RGS6: variants seen among roughly 807,000 people sequenced by gnomAD.
The protein encoded by RGS6 is regulator of G-protein signaling 6.
In RGS6, 30 loss-of-function variants were observed where a neutral mutation model predicts 78.5. That is an observed-to-expected ratio of 0.38 (90% CI 0.29 to 0.52). RGS6 has a LOEUF of 0.52. RGS6 is among the 20% of genes least tolerant of loss of function. The pLI, the probability that RGS6 is intolerant of heterozygous loss-of-function variation, is 0.85. For missense variants in RGS6, 495 were observed against 609.7 expected (o/e 0.81, Z 1.98); for synonymous variants, 206 against 206.0 (o/e 1.00, Z 0.00).
At chr14:72,311,910 T>C (rs2068714291) in intron 2 of RGS6, among the ~76,000 whole-genome samples, 1 of 152,224 alleles carries the variant, frequency 6.6e-6, no homozygotes, top group Non-Finnish European at 1.5e-5. Flanking sequence ...GTTCTCTTGC[T>C]AAATCAAAAG....
intron 2 of RGS6, among the ~76,000 whole-genome samples, chr14:71,970,532 C>T (rs572132822): frequency 1.3e-5 from 2 of 152,186 alleles, no homozygotes; most frequent in African/African-American, 4.8e-5. Flanking sequence ...TGGAAGAATC[C>T]GATGCTATGG....
At chr14:71,874,518 C>T in the RGS6 span, among the ~76,000 whole-genome samples, 41 of 152,274 alleles carry the variant, frequency 2.7e-4, no homozygotes, top group Middle Eastern at 6.8e-3. Context: ...GCTGAAGTTG[C>T]TTATCAGCTT....
chr14:72,454,505 C>T, intron 3 of RGS6, 23 bp from the exon 4 acceptor site: 1 of 1,613,282 alleles, frequency 6.2e-7, no homozygotes, highest in Non-Finnish European at 8.5e-7. Context: ...AGGTCTTCAG[C>T]TGAAATTGCT....
intron 12 of RGS6, among the ~76,000 whole-genome samples, chr14:72,480,884 A>G (rs1198408756): frequency 6.6e-6 from 1 of 152,172 alleles, no homozygotes; most frequent in Non-Finnish European, 1.5e-5. Context: ...TTTTTCACCC[A>G]GTTCTGTGAG....
At chr14:72,031,265 T>G (rs926954894) in intron 2 of RGS6, among the ~76,000 whole-genome samples, 9 of 152,190 alleles carry the variant, frequency 5.9e-5, no homozygotes, top group Non-Finnish European at 1.2e-4. Flanking sequence ...CATGAATGCA[T>G]GCTATGAATG....
intron 13 of RGS6, among the ~76,000 whole-genome samples, chr14:72,504,744 C>T (rs773012526): frequency 2.1e-4 from 31 of 148,394 alleles, no homozygotes; most frequent in Non-Finnish European, 3.9e-4. Flanking sequence ...CCCCTTCCCT[C>T]TCCTTTCCTT....
At chr14:71,979,941 G>T (rs1267339859) in intron 2 of RGS6, among the ~76,000 whole-genome samples, 12 of 140,068 alleles carry the variant, frequency 8.6e-5, no homozygotes, top group African/African-American at 3.2e-4. Context: ...GAATCTGGGT[G>T]CTCCTGTATT....
chr14:72,480,774 C>T (rs1284872272), intron 12 of RGS6, among the ~76,000 whole-genome samples: 1 of 152,186 alleles, frequency 6.6e-6, no homozygotes, highest in South Asian at 2.1e-4. Context: ...TCCACATCCA[C>T]ATCCCCATCC....
intron 2 of RGS6, among the ~76,000 whole-genome samples, chr14:72,230,443 G>A (rs2049258394): frequency 6.6e-6 from 1 of 152,208 alleles, no homozygotes; most frequent in African/African-American, 2.4e-5. Flanking sequence ...AAAGCTAGTT[G>A]AGGGTTTGAA....
At chr14:72,453,691 A>C (rs960625294) in intron 3 of RGS6, among the ~76,000 whole-genome samples, 1 of 150,868 alleles carries the variant, frequency 6.6e-6, no homozygotes, top group Non-Finnish European at 1.5e-5. Flanking sequence ...ACTAGATACC[A>C]AAACAGCTAA....
intron 3 of RGS6, among the ~76,000 whole-genome samples, chr14:72,415,282 T>C (rs912025339): frequency 2.0e-5 from 3 of 152,118 alleles, no homozygotes; most frequent in Non-Finnish European, 4.4e-5. Context: ...TGCAGTTTGA[T>C]CTCAGACTGC....
intron 10 of RGS6, 27 bp downstream of exon 10, chr14:72,474,726 T>C: frequency 6.3e-7 from 1 of 1,590,626 alleles, no homozygotes; most frequent in Non-Finnish European, 8.6e-7. Context: ...GAGTTAAAAA[T>C]TCCTGATGTG....
At chr14:72,098,021 A>C (rs1203800531) in intron 2 of RGS6, among the ~76,000 whole-genome samples, 2 of 152,178 alleles carry the variant, frequency 1.3e-5, no homozygotes, top group Non-Finnish European at 2.9e-5. Context: ...TCCTGGACCC[A>C]CACATAGCAA....
chr14:72,613,910 T>C, the RGS6 span, among the ~76,000 whole-genome samples: 98,893 of 151,954 alleles, frequency 0.65, 33,368 homozygotes, highest in East Asian at 0.99. Context: ...GCCTGGGAGG[T>C]TGTCTATCCT....
chr14:72,331,830 G>A (rs980191531), intron 2 of RGS6, among the ~76,000 whole-genome samples: 12 of 152,120 alleles, frequency 7.9e-5, no homozygotes, highest in Non-Finnish European at 7.4e-5. Context: ...GTTTTTCTCC[G>A]TGGACTATCC....
At chr14:72,057,882 G>A (rs1466581439) in intron 2 of RGS6, among the ~76,000 whole-genome samples, 8 of 152,118 alleles carry the variant, frequency 5.3e-5, no homozygotes, top group Non-Finnish European at 1.0e-4. Context: ...AATCAATGCC[G>A]GATTAGCTCC....
chr14:72,557,840 T>G (rs1173830859), intron 17 of RGS6, among the ~76,000 whole-genome samples: 1 of 152,170 alleles, frequency 6.6e-6, no homozygotes, highest in Non-Finnish European at 1.5e-5. Flanking sequence ...GAGTTCGAAT[T>G]CCCCAACAGA....
chr14:72,180,102 C>T (rs905566899), intron 2 of RGS6, among the ~76,000 whole-genome samples: 1 of 152,164 alleles, frequency 6.6e-6, no homozygotes, highest in African/African-American at 2.4e-5. Flanking sequence ...GCCTTTACTG[C>T]TGGGAGAATC....
At chr14:71,953,857 A>C (rs1371494942) in intron 1 of RGS6, among the ~76,000 whole-genome samples, 1 of 151,872 alleles carries the variant, frequency 6.6e-6, no homozygotes, top group Non-Finnish European at 1.5e-5. Flanking sequence ...CATTTCTTGC[A>C]TAGCAGGTTT....
Sources: gnomAD v4.1 joint callset for allele counts (sites outside exome capture counted in the v4.1 genomes callset) on GRCh38, gnomAD v4.1.1 for gene constraint, MANE v1.5 for transcripts, NCBI Gene and HGNC (gene_info 2026-07-23, HGNC 2026-07-21) for gene names.